The following FERMT2 variants were observed in gnomAD, a reference collection of about 807,000 sequenced individuals.
The protein encoded by FERMT2 is FERM domain containing kindlin 2, also known as fermitin family homolog 2.
A neutral mutation model predicts 82.7 loss-of-function variants in FERMT2; 15 were observed. That is an observed-to-expected ratio of 0.18 (90% CI 0.12 to 0.28). The LOEUF (loss-of-function observed/expected upper bound fraction) is 0.28, where lower values mean the gene tolerates loss of function less well. Among genes scored for constraint, FERMT2 ranks in the 10% least tolerant of loss-of-function variants. The pLI is 1.00. For synonymous variants in FERMT2, 274 were observed against 271.5 expected (o/e 1.01, Z -0.09); for missense variants, 645 against 809.4 (o/e 0.80, Z 2.46).
At position 52,860,468 on chromosome 14, in the gene FERMT2, A is replaced by G. The variant is rs1227585306; in HGVS notation, c.1603-3T>C. 3 of 1,608,162 alleles carry G rather than the reference A, an allele frequency of 1.9e-6. No homozygotes were observed. Among genetic ancestry groups the G allele is most frequent in the East Asian group, 4.5e-5 (2 of 44,664 alleles). ...GCCTCCAAGATTCTCGCTGTTATCT[A>G]AACATGAGTAAACATCACCTTTACC... is the stretch of plus-strand genomic sequence containing the variant. On this transcript the variant is annotated splice_region_variant and splice_polypyrimidine_tract_variant and intron_variant, in intron 12 of 14. Coordinates refer to ENST00000341590, the MANE Select transcript of FERMT2 (RefSeq NM_006832.3).
At chr14:52,938,303 T>C (rs532525777) in intron 2 of FERMT2, among the ~76,000 whole-genome samples, 3 of 152,168 alleles carry the variant, frequency 2.0e-5, no homozygotes, top group Non-Finnish European at 1.5e-5. Flanking sequence ...AAAATCACAG[T>C]TGAAATTTAT....
At position 52,950,554 on chromosome 14, in the gene FERMT2, C is replaced by G; in HGVS notation, c.15G>C (p.Gly5=). The G allele has an allele frequency of 6.2e-7, 1 of 1,614,128 alleles. No individual in the cohort carries two copies. The highest frequency in any genetic ancestry group is 1.1e-5 in the South Asian group (1 of 91,076). ...CGTAGCAGCCATCTGGCATCCTTAT[C>G]CCGTCCAGAGCCATGGCTCCTTCCT... MALD[G]IRMPDGCYAD... Residue 5 remains glycine (G), a synonymous_variant, in exon 2 of 15, where the codon GGG becomes GGC. Transcript: ENST00000341590.
At position 52,858,156 on chromosome 14, in the gene FERMT2, G is replaced by T; in HGVS notation, c.*221C>A. The T allele has an allele frequency of 2.0e-6, 1 of 488,588 alleles. No homozygotes were observed. Among genetic ancestry groups the T allele is most frequent in the Non-Finnish European group, 3.7e-6 (1 of 272,082 alleles). 30.3% of individuals were successfully genotyped at this position (488,588 alleles called of 1,614,324 possible). ...CCACTATTTCAGTTTTCAATTCATG[G>T]CCCTAAGGAATGTGTGACAAATTCA... On this transcript the variant is annotated 3_prime_UTR_variant, in exon 15 of 15. Coordinates refer to ENST00000341590, the MANE Select transcript of FERMT2 (RefSeq NM_006832.3).
chr14:52,918,489 G>A (rs1307845964), intron 3 of FERMT2, among the ~76,000 whole-genome samples: 1 of 152,164 alleles, frequency 6.6e-6, no homozygotes, highest in Non-Finnish European at 1.5e-5. Flanking sequence ...ATTAAAATAT[G>A]AGAAGTCACT....
rs9888547 is a variant in FERMT2, at chr14:52,908,903, C to G, written c.391+10220G>C. Among the ~76,000 whole-genome samples, 833 of 152,256 alleles carry G rather than the reference C, an allele frequency of 5.5e-3. 8 individuals are homozygous for G. Among genetic ancestry groups the G allele is most frequent in the African/African-American group, 0.019 (796 of 41,544 alleles). ...ATTGCTCAGTTTGACTGACTAGATA[C>G]TTAAAAAGGCATGTGGCATGTCTGC... On this transcript the variant is annotated intron_variant, in intron 3 of 14. Coordinates refer to ENST00000341590, the MANE Select transcript of FERMT2 (RefSeq NM_006832.3).
At chr14:52,913,989 G>A (rs905956035) in intron 3 of FERMT2, among the ~76,000 whole-genome samples, 2 of 152,008 alleles carry the variant, frequency 1.3e-5, no homozygotes, top group Admixed American at 1.3e-4. Context: ...CTGTCTCTGC[G>A]TGATCTTGGG....
intron 4 of FERMT2, among the ~76,000 whole-genome samples, chr14:52,884,671 C>G (rs1263461552): frequency 1.3e-5 from 2 of 152,056 alleles, no homozygotes; most frequent in African/African-American, 4.8e-5. Flanking sequence ...TGTACTATAA[C>G]TTACGTAAGC....
chr14:52,867,593 T>C lies in FERMT2; in HGVS notation c.1274-2740A>G, dbSNP rs1478490129. 3.9e-5 allele frequency among the ~76,000 whole-genome samples: 6 copies of C among 152,156 alleles called. No homozygotes were observed. The East Asian group carries it at 1.2e-3, about 29-fold the overall frequency. On this transcript the variant is annotated intron_variant, in intron 10 of 14. Coordinates refer to ENST00000341590, the MANE Select transcript of FERMT2 (RefSeq NM_006832.3). ...CTCACATTACAGACAACCATTGCAA[T>C]GGCTGCACTTACCATTACTGCTAAC... is the stretch of plus-strand genomic sequence containing the variant.
intron 4 of FERMT2, among the ~76,000 whole-genome samples, chr14:52,888,431 C>CT (rs1446666499): frequency 1.3e-5 from 2 of 152,116 alleles, no homozygotes; most frequent in Non-Finnish European, 2.9e-5. Flanking sequence ...ACCAGCTTTC[C>CT]TACAATTTGT....
chr14:52,858,436 C>G lies in FERMT2; in HGVS notation c.1984G>C (p.Asp662His), dbSNP rs1202107643. Residue 662 changes from aspartate (D) to histidine (H), a missense_variant, in exon 15 of 15, where the codon GAC becomes CAC. Physicochemically the swap from Asp to His is moderately conservative, Grantham distance 81. Transcript: ENST00000341590. ...TCTTCATCTAAACTCTCGTTTTGGT[C>G]TTTTGCACGTGTTGAGAGAAATATG... ...GYIFLSTRAK[D>H]QNESLDEEMF... is the part of the protein sequence containing the mutation. 1.9e-6 allele frequency: 3 copies of G among 1,614,130 alleles called. No individual in the cohort carries two copies. The highest frequency in any genetic ancestry group is 1.7e-5 in the Admixed American group (1 of 60,008).
intron 4 of FERMT2, among the ~76,000 whole-genome samples, chr14:52,886,295 G>T (rs1886604054): frequency 6.6e-6 from 1 of 151,902 alleles, no homozygotes; most frequent in African/African-American, 2.4e-5. Context: ...GAGAGAGACA[G>T]ACAGAGTGTG....
At chr14:52,879,180 C>T (rs769622749) in intron 6 of FERMT2, among the ~76,000 whole-genome samples, 4 of 152,082 alleles carry the variant, frequency 2.6e-5, no homozygotes, top group African/African-American at 9.7e-5. Flanking sequence ...TCCTTGGAAA[C>T]GGCAGTTATT....
In FERMT2 at chr14:52,901,280, C is replaced by CAAAAAA. The variant is rs10638877; in HGVS notation, c.392-7859_392-7854dup. On this transcript the variant is annotated intron_variant, in intron 3 of 14. Coordinates refer to ENST00000341590, the MANE Select transcript of FERMT2 (RefSeq NM_006832.3). ...TAGGCGACAGAGCGAGACTCTGTCT[C>CAAAAAA]AAAAAAAAAAAAAAAAAAAAGCCCC... Among the ~76,000 whole-genome samples the CAAAAAA allele has an allele frequency of 3.0e-3, 170 of 57,240 alleles. 9 individuals carry two copies. The highest frequency in any genetic ancestry group is 0.013 in the African/African-American group (163 of 12,866). The allele number at this position is 57,240 out of a possible 152,430, so 37.6% of individuals were successfully genotyped here.
At chr14:52,943,916 A>G (rs1890207719) in intron 2 of FERMT2, among the ~76,000 whole-genome samples, 1 of 152,190 alleles carries the variant, frequency 6.6e-6, no homozygotes. Context: ...GGCCTTTTAT[A>G]AGTAATTGAA....
chr14:52,926,073 A>T (rs1333302290), intron 2 of FERMT2, among the ~76,000 whole-genome samples: 1 of 152,204 alleles, frequency 6.6e-6, no homozygotes, highest in Non-Finnish European at 1.5e-5. Flanking sequence ...TGCAGAACAG[A>T]TTTCAGACAT....
At chr14:52,948,849 G>A (rs1890482200) in intron 2 of FERMT2, among the ~76,000 whole-genome samples, 1 of 152,114 alleles carries the variant, frequency 6.6e-6, no homozygotes, top group Non-Finnish European at 1.5e-5. Flanking sequence ...TGAGACCAAT[G>A]TATTAATATG....
intron 2 of FERMT2, among the ~76,000 whole-genome samples, chr14:52,948,360 C>T (rs1890458889): frequency 6.6e-6 from 1 of 152,254 alleles, no homozygotes; most frequent in Non-Finnish European, 1.5e-5. Context: ...CGAATCTCTC[C>T]TCTATTTACT....
At chr14:52,869,989 T>C (rs1012197115) in intron 10 of FERMT2, among the ~76,000 whole-genome samples, 11 of 151,986 alleles carry the variant, frequency 7.2e-5, no homozygotes, top group Non-Finnish European at 5.9e-5. Context: ...AAAAAACATA[T>C]AGAATAAGGA....
chr14:52,880,129 G>A (rs1886202195), intron 6 of FERMT2, among the ~76,000 whole-genome samples: 1 of 152,068 alleles, frequency 6.6e-6, no homozygotes, highest in African/African-American at 2.4e-5. Flanking sequence ...GTGGCTGGGT[G>A]AGCCTGTAGT....
Sources: gnomAD v4.1 joint callset for allele counts (sites outside exome capture counted in the v4.1 genomes callset) on GRCh38, gnomAD v4.1.1 for gene constraint, MANE v1.5 for transcripts, NCBI Gene and HGNC (gene_info 2026-07-23, HGNC 2026-07-21) for gene names.